MAEA: variants seen among roughly 807,000 people sequenced by gnomAD.
MAEA encodes E3 ubiquitin-protein transferase MAEA.
MAEA carries 22 observed loss-of-function variants against 46.2 expected under a neutral mutation model. That is an observed-to-expected ratio of 0.48 (90% CI 0.34 to 0.68). The LOEUF is 0.68. MAEA is among the 30% of genes least tolerant of loss of function. MAEA has a pLI of 0.01. For missense variants in MAEA, 393 were observed against 558.1 expected (o/e 0.70, Z 2.98); for synonymous variants, 246 against 222.6 (o/e 1.11, Z -0.94).
intron 4 of MAEA, among the ~76,000 whole-genome samples, chr4:1,326,181 G>A (rs1420906218): frequency 6.6e-6 from 1 of 152,202 alleles, no homozygotes. Flanking sequence ...AAAGCTCAGT[G>A]GGGAAAGCTC....
At chr4:1,314,592 C>T (rs771361911) in intron 2 of MAEA, among the ~76,000 whole-genome samples, 6 of 152,224 alleles carry the variant, frequency 3.9e-5, no homozygotes, top group East Asian at 1.9e-4. Context: ...AGAGATGGTG[C>T]GGGGAGAGTG....
At chr4:1,329,768 C>T in intron 5 of MAEA, 1 of 985,436 alleles carries the variant, frequency 1.0e-6, no homozygotes, top group Non-Finnish European at 1.2e-6. Flanking sequence ...GGCTGGGAGC[C>T]CAGAGGGTGT....
At chr4:1,291,578 C>T (rs1734113084) in intron 1 of MAEA, among the ~76,000 whole-genome samples, 1 of 152,208 alleles carries the variant, frequency 6.6e-6, no homozygotes, top group Admixed American at 6.5e-5. Flanking sequence ...AGTGCACCTC[C>T]AGGCCTGTCA....
At chr4:1,321,219 G>A (rs1469906817) in intron 3 of MAEA, among the ~76,000 whole-genome samples, 1 of 147,938 alleles carries the variant, frequency 6.8e-6, no homozygotes, top group African/African-American at 2.5e-5. Context: ...CAAAGCAAAT[G>A]TGCAAGAAAA....
intron 8 of MAEA, 108 bp from the exon 9 acceptor site, chr4:1,338,966 C>T: frequency 1.1e-6 from 1 of 943,110 alleles, no homozygotes; most frequent in Non-Finnish European, 1.7e-6. Flanking sequence ...GGAACTTTGC[C>T]TGAGAGGATG....
chr4:1,312,253 T>C (rs1736599160), intron 2 of MAEA, 92 bp downstream of exon 2: 5 of 1,497,010 alleles, frequency 3.3e-6, no homozygotes, highest in Non-Finnish European at 4.5e-6. Context: ...GCTGCAATGA[T>C]GGGAACGCGG....
intron 1 of MAEA, chr4:1,309,697 A>G: frequency 6.5e-7 from 1 of 1,530,112 alleles, no homozygotes; most frequent in South Asian, 1.2e-5. Context: ...CCAGTTGTGA[A>G]GACACCGTGG....
At chr4:1,335,282 C>T in intron 6 of MAEA, 1 of 985,518 alleles carries the variant, frequency 1.0e-6, no homozygotes, top group Non-Finnish European at 1.2e-6. Flanking sequence ...CTGCACTGAG[C>T]TGTCCTTCCA....
intron 1 of MAEA, chr4:1,309,931 C>A (rs1183909274): frequency 1.6e-6 from 2 of 1,285,508 alleles, no homozygotes; most frequent in Non-Finnish European, 2.0e-6. Context: ...CCGCGTAGAA[C>A]TTGAATGCAG....
chr4:1,318,049 G>A (rs1042368393), intron 3 of MAEA, among the ~76,000 whole-genome samples: 5 of 152,172 alleles, frequency 3.3e-5, no homozygotes, highest in South Asian at 2.1e-4. Flanking sequence ...GCACATGTCC[G>A]CTCCGGTGCC....
chr4:1,336,922 G>T lies in MAEA; in HGVS notation c.827G>T (p.Arg276Leu). The T allele has an allele frequency of 6.2e-7, 1 of 1,614,012 alleles. No individual in the cohort carries two copies. Among genetic ancestry groups the T allele is most frequent in the Non-Finnish European group, 8.5e-7 (1 of 1,180,008 alleles). ...CAGCAGTTCCGGTACGACAACTACCGACTACACCAGCTGGGAAACAATTCT... is the reference window on the plus strand; with the variant it reads ...CAGCAGTTCCGGTACGACAACTACCTACTACACCAGCTGGGAAACAATTCT... ...LIQQFRYDNY[R>L]LHQLGNNSVF... The change falls in exon 7 of 9, where the codon CGA becomes CTA. Residue 276 changes from arginine to leucine, a missense_variant. By Grantham distance (102) the Arg-to-Leu change is moderately radical. This residue lies in a region of MAEA where 358 missense variants were observed against 537.9 expected (regional missense o/e 0.67). Coordinates refer to ENST00000303400, the MANE Select transcript of MAEA (RefSeq NM_001017405.3).
chr4:1,332,999 C>T, intron 6 of MAEA, 134 bp downstream of exon 6: 1 of 592,880 alleles, frequency 1.7e-6, no homozygotes, highest in Non-Finnish European at 2.9e-6. Context: ...TCCAGCCTGC[C>T]AAGACAAGCT....
intron 1 of MAEA, chr4:1,309,891 G>A: frequency 6.1e-6 from 8 of 1,308,086 alleles, no homozygotes; most frequent in Non-Finnish European, 7.8e-6. Context: ...CGGCCCGGCA[G>A]GGGTTGGAAA....
intron 1 of MAEA, among the ~76,000 whole-genome samples, chr4:1,294,819 G>A (rs1291345411): frequency 1.4e-5 from 2 of 138,642 alleles, no homozygotes; most frequent in Non-Finnish European, 3.2e-5. Context: ...GGGGGCAGGG[G>A]CAGGGGCAGG....
intron 1 of MAEA, among the ~76,000 whole-genome samples, chr4:1,298,357 C>T (rs1243470137): frequency 6.6e-6 from 1 of 151,980 alleles, no homozygotes; most frequent in Non-Finnish European, 1.5e-5. Context: ...CACGAAGAGG[C>T]ACACGCGCCG....
chr4:1,297,497 C>G (rs985621363), intron 1 of MAEA, among the ~76,000 whole-genome samples: 1 of 134,212 alleles, frequency 7.5e-6, no homozygotes, highest in Non-Finnish European at 1.5e-5. Context: ...AGAGAGAGCA[C>G]GCGCTTGAGT....
chr4:1,322,268 A>G lies in MAEA; in HGVS notation c.457-113A>G, dbSNP rs562834846. 13 of 1,430,388 alleles carry G rather than the reference A, an allele frequency of 9.1e-6. No individual in the cohort carries two copies. In the South Asian group the frequency reaches 1.2e-4, roughly 13 times the overall value. 88.6% of individuals were successfully genotyped at this position (1,430,388 alleles called of 1,614,324 possible). ...GACCCACAGTGTGGACTGGAGATGC[A>G]TCTCGAGTGGTGGCCGGTGCTGGGC... On this transcript the variant is annotated intron_variant, in intron 3 of 8. Transcript: ENST00000303400.
chr4:1,313,410 C>T (rs1356933128), intron 2 of MAEA, among the ~76,000 whole-genome samples: 1 of 152,166 alleles, frequency 6.6e-6, no homozygotes, highest in Admixed American at 6.5e-5. Context: ...CAGGGGCTGC[C>T]AGGTGCCACA....
rs568793783 is a variant in MAEA, at chr4:1,313,167, G to A, written c.252+1006G>A. On this transcript the variant is annotated intron_variant, in intron 2 of 8. Transcript: ENST00000303400. ...ATTGGAGACCCTCAGCCTTCACTCC[G>A]GTGAGGTGGTCCCGGCTGGTGGTGC... Among the ~76,000 whole-genome samples, 17 of 152,380 alleles carry A rather than the reference G, an allele frequency of 1.1e-4. No homozygotes were observed. In the South Asian group the frequency reaches 2.5e-3, roughly 22 times the overall value.
Sources: gnomAD v4.1 joint callset for allele counts (sites outside exome capture counted in the v4.1 genomes callset) on GRCh38, gnomAD v4.1.1 for gene constraint, gnomAD v4.1.1 regional missense constraint, MANE v1.5 for transcripts, NCBI Gene and HGNC (gene_info 2026-07-23, HGNC 2026-07-21) for gene names.